The following TENM2 variants were observed in gnomAD, a reference collection of about 807,000 sequenced individuals.
The protein encoded by TENM2 is teneurin transmembrane protein 2.
TENM2 carries 52 observed loss-of-function variants against 245.2 expected under a neutral mutation model. The ratio of observed to expected loss-of-function variants is 0.21; its 90% confidence interval spans 0.17 to 0.27. TENM2 has a LOEUF of 0.27. Among genes scored for constraint, TENM2 ranks in the 10% least tolerant of loss-of-function variants. The pLI is 1.00. For missense variants in TENM2, 3,046 were observed against 3,666.8 expected, an observed-to-expected ratio of 0.83 and a Z score of 4.37; for synonymous variants, 1,363 against 1,438.9, an observed-to-expected ratio of 0.95 and a Z score of 1.19.
chr5:167,217,372 T>C, the TENM2 span, among the ~76,000 whole-genome samples: 1 of 152,238 alleles, frequency 6.6e-6, no homozygotes, highest in South Asian at 2.1e-4. Context: ...TTTAAAATAT[T>C]ATTAAGGGGA....
the TENM2 span, among the ~76,000 whole-genome samples, chr5:167,087,468 T>A: frequency 6.6e-6 from 1 of 152,194 alleles, no homozygotes; most frequent in Non-Finnish European, 1.5e-5. Context: ...AGTTTTGAAC[T>A]GAAACCAATT....
chr5:168,158,850 T>TATATATATATATATATACAC lies in TENM2; in HGVS notation c.2423-3760_2423-3759insTATATATATATATATACACA, dbSNP rs1339051385. 8.7e-3 allele frequency among the ~76,000 whole-genome samples: 539 copies of TATATATATATATATATACAC among 61,852 alleles called. 18 individuals are homozygous for TATATATATATATATATACAC. The highest frequency in any genetic ancestry group is 0.017 in the East Asian group (38 of 2,300). The allele number at this position is 61,852 out of a possible 152,430, so 40.6% of individuals were successfully genotyped here. On this transcript the variant is annotated intron_variant, in intron 12 of 28. Transcript: ENST00000518659. Reference sequence around the variant, plus strand: ...GTGTGTATATATATATATATATATATACACACACACACACACACATATATA... The same window carrying TATATATATATATATATACAC: ...GTGTGTATATATATATATATATATATATATATATATATATATACACACACACACACACACACACATATATA...
the TENM2 span, among the ~76,000 whole-genome samples, chr5:167,178,696 C>G: frequency 2.6e-5 from 4 of 151,826 alleles, no homozygotes; most frequent in Non-Finnish European, 5.9e-5. Flanking sequence ...TGGATAAAAG[C>G]GTGTTTTGTA....
chr5:167,231,769 A>G, the TENM2 span, among the ~76,000 whole-genome samples: 7 of 152,230 alleles, frequency 4.6e-5, no homozygotes, highest in African/African-American at 1.7e-4. Flanking sequence ...TTGCATAAGT[A>G]ATGAGAAGCC....
At chr5:167,520,870 C>T (rs906081951) in intron 2 of TENM2, among the ~76,000 whole-genome samples, 2 of 151,508 alleles carry the variant, frequency 1.3e-5, no homozygotes, top group Non-Finnish European at 2.9e-5. Context: ...AATTCTCTCC[C>T]GGTACCAGTT....
intron 9 of TENM2, among the ~76,000 whole-genome samples, chr5:168,112,637 A>C (rs1241454468): frequency 7.8e-6 from 1 of 127,950 alleles, no homozygotes; most frequent in Non-Finnish European, 1.7e-5. Context: ...TTACTTTTCT[A>C]CCAGATGGAT....
chr5:167,311,052 A>G (rs1201848693), intron 1 of TENM2, among the ~76,000 whole-genome samples: 2 of 152,182 alleles, frequency 1.3e-5, no homozygotes, highest in African/African-American at 4.8e-5. Flanking sequence ...CTCACTGTTT[A>G]CTTTGGGAAA....
intron 10 of TENM2, among the ~76,000 whole-genome samples, chr5:168,119,234 G>T (rs1562182308): frequency 6.6e-6 from 1 of 152,142 alleles, no homozygotes; most frequent in Non-Finnish European, 1.5e-5. Context: ...GACACGTAAG[G>T]GCCTTTCACA....
chr5:167,032,902 T>A, the TENM2 span, among the ~76,000 whole-genome samples: 2 of 152,200 alleles, frequency 1.3e-5, no homozygotes, highest in East Asian at 1.9e-4. Context: ...ATATATATAT[T>A]TTAAAGTTTC....
the TENM2 span, among the ~76,000 whole-genome samples, chr5:167,133,976 C>T: frequency 6.6e-6 from 1 of 152,182 alleles, no homozygotes; most frequent in South Asian, 2.1e-4. Flanking sequence ...GCTTCCAAAA[C>T]CTCTATAGAG....
At chr5:167,327,151 A>G (rs1757136749) in intron 1 of TENM2, among the ~76,000 whole-genome samples, 1 of 152,114 alleles carries the variant, frequency 6.6e-6, no homozygotes, top group South Asian at 2.1e-4. Flanking sequence ...CATTAGATAT[A>G]TCTCCTAATG....
chr5:168,004,511 GCGCGCGCACA>G (rs1562040655), intron 5 of TENM2, among the ~76,000 whole-genome samples: 10 of 77,290 alleles, frequency 1.3e-4, no homozygotes, highest in African/African-American at 5.9e-4. Context: ...ACGCATGCGC[GCGCGCGCACA>G]CACACACACA....
chr5:168,200,558 A>C (rs182491947), intron 17 of TENM2, among the ~76,000 whole-genome samples: 17 of 152,258 alleles, frequency 1.1e-4, no homozygotes, highest in East Asian at 3.9e-4. Flanking sequence ...GTGTAGCTGG[A>C]GTGTAGTGGA....
Position 168,218,262 on chromosome 5 carries a change from A to G in TENM2, c.4371A>G (p.Gln1457=), listed in dbSNP as rs201837424. 1.9e-4 allele frequency: 306 copies of G among 1,613,466 alleles called. No individual in the cohort carries two copies. Among genetic ancestry groups the G allele is most frequent in the Non-Finnish European group, 2.5e-4 (300 of 1,179,862 alleles). ...TTGCGGGACGCCCCATGCACTGCCA[A>G]GTTCCTGGCATTGACTACTCACTCA... is the stretch of plus-strand genomic sequence containing the variant. The change falls in exon 23 of 29, where the codon CAA becomes CAG. Residue 1457 remains glutamine, a synonymous_variant. Transcript: ENST00000518659. The surrounding 1 kb of genome is among the most constrained non-coding windows in gnomAD (Gnocchi z 5.2).
At chr5:167,322,210 T>A (rs996277755) in intron 1 of TENM2, among the ~76,000 whole-genome samples, 4 of 90,608 alleles carry the variant, frequency 4.4e-5, no homozygotes, top group Non-Finnish European at 6.8e-5. Context: ...CTCAAAAATA[T>A]TTGTTTTTTT....
chr5:167,005,661 T>G, the TENM2 span, among the ~76,000 whole-genome samples: 13 of 139,400 alleles, frequency 9.3e-5, no homozygotes, highest in Non-Finnish European at 2.0e-4. Flanking sequence ...GTGGGTTTTT[T>G]TTTTTTTTTT....
At chr5:167,698,842 C>T (rs1470777763) in intron 2 of TENM2, among the ~76,000 whole-genome samples, 1 of 151,810 alleles carries the variant, frequency 6.6e-6, no homozygotes, top group Non-Finnish European at 1.5e-5. Context: ...CGCCACCACG[C>T]CCAGCTAATT....
intron 28 of TENM2, among the ~76,000 whole-genome samples, chr5:168,261,749 C>G (rs945168226): frequency 6.6e-6 from 1 of 152,166 alleles, no homozygotes; most frequent in Non-Finnish European, 1.5e-5. Flanking sequence ...GTGTGTAGGT[C>G]CAGGTGCCCA....
At chr5:167,172,544 T>C in the TENM2 span, among the ~76,000 whole-genome samples, 1 of 152,102 alleles carries the variant, frequency 6.6e-6, no homozygotes, top group Non-Finnish European at 1.5e-5. Flanking sequence ...GCCTCTCAGA[T>C]GGAATAGTGG....
Sources: allele counts gnomAD v4.1 joint callset (sites outside exome capture counted in the v4.1 genomes callset), GRCh38; gene constraint gnomAD v4.1.1; non-coding constraint Gnocchi (gnomAD v3.1); transcripts MANE v1.5; gene names NCBI Gene and HGNC (gene_info 2026-07-23, HGNC 2026-07-21).